Variants in PPP2R5E observed in about 807,000 individuals in gnomAD.
The protein encoded by PPP2R5E is serine/threonine-protein phosphatase 2A 56 kDa regulatory subunit epsilon isoform.
PPP2R5E carries 4 observed loss-of-function variants against 65.3 expected under a neutral mutation model. That is an observed-to-expected ratio of 0.06 (90% confidence interval 0.03 to 0.14). PPP2R5E has a LOEUF of 0.14. Ranked by LOEUF, PPP2R5E falls within the 10% of genes least tolerant of loss-of-function variation. The probability of loss-of-function intolerance (pLI) is 1.00; values close to 1 mark genes in which losing one functional copy is unlikely to be tolerated. For synonymous variants in PPP2R5E, 183 were observed against 187.4 expected (o/e 0.98, Z 0.19); for missense variants, 274 against 556.1 (o/e 0.49, Z 5.10).
At chr14:63,391,012 G>C (rs1016072803) in intron 10 of PPP2R5E, among the ~76,000 whole-genome samples, 4 of 152,186 alleles carry the variant, frequency 2.6e-5, no homozygotes, top group African/African-American at 9.7e-5. Context: ...CTAAAGGTCT[G>C]TTGTCTATTC....
chr14:63,436,477 T>G (rs1887958422), intron 3 of PPP2R5E, among the ~76,000 whole-genome samples: 1 of 152,260 alleles, frequency 6.6e-6, no homozygotes, highest in African/African-American at 2.4e-5. Flanking sequence ...TGTGTGTGTC[T>G]GTGACCTTTC....
In PPP2R5E at chr14:63,540,130, T is replaced by TAAA. The variant is rs749576391; in HGVS notation, c.-7-441_-7-439dup. 1.5e-4 allele frequency among the ~76,000 whole-genome samples: 18 copies of TAAA among 117,106 alleles called. No individual in the cohort carries two copies. In the South Asian group the frequency reaches 4.7e-3, roughly 31 times the overall value. 76.8% of individuals were successfully genotyped at this position (117,106 alleles called of 152,430 possible). A position where few individuals can be genotyped will look rare whatever the true frequency, so the allele number is the denominator to read the frequency against. On this transcript the variant is annotated intron_variant, in intron 1 of 13. Coordinates refer to ENST00000337537, the MANE Select transcript of PPP2R5E (RefSeq NM_006246.5). ...AGTGACAGAGTGAGATTCCGTCCTT[T>TAAA]AAAAAAAAAAAAAAAAAGGGCTGGG...
intron 2 of PPP2R5E, among the ~76,000 whole-genome samples, chr14:63,482,468 C>G (rs749160325): frequency 2.0e-4 from 30 of 151,982 alleles, no homozygotes; most frequent in Admixed American, 4.6e-4. Context: ...TGGAAAACAA[C>G]AACAACAAAA....
intron 3 of PPP2R5E, among the ~76,000 whole-genome samples, chr14:63,429,804 T>G (rs1887531633): frequency 6.6e-6 from 1 of 152,016 alleles, no homozygotes; most frequent in South Asian, 2.1e-4. Context: ...CTGCCTCAGC[T>G]TTCCTAGAAG....
chr14:63,449,872 ATTTTTTTT>A (rs35931655), intron 3 of PPP2R5E, among the ~76,000 whole-genome samples: 4 of 105,412 alleles, frequency 3.8e-5, no homozygotes, highest in African/African-American at 1.2e-4. Context: ...TTCTTTTCCT[ATTTTTTTT>A]TTTTTTTTTT....
intron 3 of PPP2R5E, among the ~76,000 whole-genome samples, chr14:63,433,235 A>T (rs1887785385): frequency 6.6e-6 from 1 of 151,588 alleles, no homozygotes; most frequent in African/African-American, 2.4e-5. Context: ...ATGGGATTTC[A>T]CCATGTTGCT....
At chr14:63,440,560 C>A (rs1472843380) in intron 3 of PPP2R5E, among the ~76,000 whole-genome samples, 1 of 151,950 alleles carries the variant, frequency 6.6e-6, no homozygotes, top group Non-Finnish European at 1.5e-5. Flanking sequence ...AGCACAGAGG[C>A]AAGACTCCAA....
rs78798272 is a variant in PPP2R5E at position 63,396,502 on chromosome 14, C to T, written c.680+84G>A. 0.022 allele frequency: 33,163 copies of T among 1,507,860 alleles called. 5,084 individuals carry two copies. In the African/African-American group the frequency reaches 0.36, roughly 16 times the overall value. The allele number at this position is 1,507,860 out of a possible 1,614,324, so 93.4% of individuals were successfully genotyped here. ...AAGGGAGAAAGAGAAGTCAGTACAC[C>T]GTTTTCAGATATTTGAGATTTACTT... is the stretch of plus-strand genomic sequence containing the variant. On this transcript the variant is annotated intron_variant, in intron 6 of 13. Coordinates refer to ENST00000337537, the MANE Select transcript of PPP2R5E (RefSeq NM_006246.5).
At chr14:63,391,609 G>C (rs1195983220) in intron 10 of PPP2R5E, among the ~76,000 whole-genome samples, 1 of 152,120 alleles carries the variant, frequency 6.6e-6, no homozygotes, top group Non-Finnish European at 1.5e-5. Context: ...TTTTAGTAGA[G>C]ATAGGGTTTC....
chr14:63,461,209 C>G (rs774239923), intron 2 of PPP2R5E, among the ~76,000 whole-genome samples: 10 of 152,112 alleles, frequency 6.6e-5, no homozygotes, highest in Admixed American at 2.0e-4. Flanking sequence ...GAACCGAGGC[C>G]TTTTGAATAT....
At chr14:63,400,527 A>G (rs1885685590) in intron 5 of PPP2R5E, among the ~76,000 whole-genome samples, 1 of 152,160 alleles carries the variant, frequency 6.6e-6, no homozygotes, top group African/African-American at 2.4e-5. Context: ...TCAGCAATAC[A>G]ATAAATACAT....
At chr14:63,514,390 T>C (rs1454630263) in intron 2 of PPP2R5E, among the ~76,000 whole-genome samples, 1 of 152,160 alleles carries the variant, frequency 6.6e-6, no homozygotes, top group Non-Finnish European at 1.5e-5. Context: ...TCACAGACTA[T>C]GCTCTGTCCA....
intron 2 of PPP2R5E, among the ~76,000 whole-genome samples, chr14:63,512,359 A>G (rs1209601501): frequency 6.6e-6 from 1 of 152,228 alleles, no homozygotes; most frequent in Non-Finnish European, 1.5e-5. Flanking sequence ...ATGGAAGGAT[A>G]GAAGGACAAA....
chr14:63,481,111 T>C (rs960865990), intron 2 of PPP2R5E, among the ~76,000 whole-genome samples: 3 of 152,126 alleles, frequency 2.0e-5, no homozygotes, highest in African/African-American at 7.2e-5. Flanking sequence ...AGGGACTGAG[T>C]GATGCTGCAA....
At chr14:63,523,073 C>T (rs1299881977) in intron 2 of PPP2R5E, among the ~76,000 whole-genome samples, 32 of 148,580 alleles carry the variant, frequency 2.2e-4, no homozygotes, top group Admixed American at 1.1e-3. Flanking sequence ...CCGCCCCGTC[C>T]GGGAGGGAGG....
chr14:63,429,376 A>T (rs1362829229), intron 3 of PPP2R5E, among the ~76,000 whole-genome samples: 1 of 152,234 alleles, frequency 6.6e-6, no homozygotes, highest in Non-Finnish European at 1.5e-5. Context: ...TTAAGATTAC[A>T]TCTAAAAGGT....
chr14:63,412,553 C>CA (rs1886448345), intron 5 of PPP2R5E, among the ~76,000 whole-genome samples: 1 of 152,170 alleles, frequency 6.6e-6, no homozygotes, highest in Non-Finnish European at 1.5e-5. Flanking sequence ...TCAAAACTAA[C>CA]AAATGAGAGA....
intron 13 of PPP2R5E, among the ~76,000 whole-genome samples, chr14:63,379,056 T>A (rs1004839950): frequency 2.1e-4 from 32 of 150,718 alleles, no homozygotes; most frequent in African/African-American, 7.8e-4. Context: ...CGAGACGGAG[T>A]CTCGCTCTGT....
intron 2 of PPP2R5E, among the ~76,000 whole-genome samples, chr14:63,520,808 G>T (rs1892870571): frequency 7.6e-6 from 1 of 131,438 alleles, no homozygotes; most frequent in Non-Finnish European, 1.6e-5. Flanking sequence ...GAGGTCAGCA[G>T]ATTGAGACCA....
Sources: allele counts gnomAD v4.1 joint callset (sites outside exome capture counted in the v4.1 genomes callset), GRCh38; gene constraint gnomAD v4.1.1; transcripts MANE v1.5; gene names NCBI Gene and HGNC (gene_info 2026-07-23, HGNC 2026-07-21).